Variants in CHAF1A observed in about 807,000 individuals in gnomAD.
CHAF1A encodes the protein chromatin assembly factor 1 subunit A.
A neutral mutation model predicts 93.2 loss-of-function variants in CHAF1A; 5 were observed. The observed-to-expected ratio is 0.05, with a 90% CI of 0.03 to 0.11. The LOEUF (loss-of-function observed/expected upper bound fraction) is 0.11, where lower values mean the gene tolerates loss of function less well. CHAF1A is among the 10% of genes least tolerant of loss of function. The probability of loss-of-function intolerance (pLI) is 1.00; values close to 1 mark genes in which losing one functional copy is unlikely to be tolerated. For synonymous variants in CHAF1A, 504 were observed against 510.3 expected (o/e 0.99, Z 0.17); for missense variants, 1,102 against 1,259.9 (o/e 0.87, Z 1.90).
chr19:4,420,822 T>C (rs1185040031), intron 4 of CHAF1A, among the ~76,000 whole-genome samples: 3 of 152,110 alleles, frequency 2.0e-5, no homozygotes, highest in African/African-American at 4.8e-5. Context: ...CCTGTAATCC[T>C]AGCACTTTGG....
Position 4,422,690 on chromosome 19 carries a change from T to A in CHAF1A, c.1142T>A (p.Leu381His), listed in dbSNP as rs1388028238. The change falls in exon 5 of 15, where the codon CTT (leucine) becomes CAT (histidine). Residue 381 changes from leucine to histidine, a missense_variant. Coordinates refer to ENST00000301280, the MANE Select transcript of CHAF1A (RefSeq NM_005483.3). The surrounding 1 kb of genome is among the most constrained non-coding windows in gnomAD (Gnocchi z 4.6). ...AAGAAGAAGGAGGAAGAGAAGGAGC[T>A]TAAGGAAAAGGAGAGGCGGGAGAAG... ...AKKKKEEEKE[L>H]KEKERREKRE... 12 of 1,611,944 alleles carry A rather than the reference T, an allele frequency of 7.4e-6. No homozygotes were observed. The highest frequency in any genetic ancestry group is 1.0e-5 in the Non-Finnish European group (12 of 1,179,226).
chr19:4,450,680 A>G, the CHAF1A span: 1 of 145,054 alleles, frequency 6.9e-6, no homozygotes, highest in Non-Finnish European at 1.5e-5. Context: ...AATGGTGTGA[A>G]CCTCGTAGGC....
rs1287627605 is a variant in CHAF1A at position 4,423,815 on chromosome 19, G to A, written c.1318G>A (p.Ala440Thr). ...TCTCTTAACATCACAGCGCATTAAAGCAGAGAAGGCCGAAATCACGAGGTT... is the reference window on the plus strand; with the variant it reads ...TCTCTTAACATCACAGCGCATTAAAACAGAGAAGGCCGAAATCACGAGGTT... ...RLREEEKRIKAEKAEITRFFQ... is the reference protein window; with the variant it reads ...RLREEEKRIKTEKAEITRFFQ... The change falls in exon 7 of 15, where the codon GCA becomes ACA. Residue 440 changes from alanine to threonine, a missense_variant. By Grantham distance (58) the Ala-to-Thr change is moderately conservative (BLOSUM62 0). Coordinates refer to ENST00000301280, the MANE Select transcript of CHAF1A (RefSeq NM_005483.3). The A allele has an allele frequency of 6.2e-7, 1 of 1,614,022 alleles. No individual in the cohort carries two copies. Among genetic ancestry groups the A allele is most frequent in the African/African-American group, 1.3e-5 (1 of 74,936 alleles).
At position 4,423,415 on chromosome 19, in the gene CHAF1A, G is replaced by A. The variant is rs746559548; in HGVS notation, c.1308+20G>A. 1 of 1,613,824 alleles carries A rather than the reference G, an allele frequency of 6.2e-7. No individual in the cohort carries two copies. The highest frequency in any genetic ancestry group is 1.7e-5 in the Admixed American group (1 of 59,914). On this transcript the variant is annotated intron_variant, in intron 6 of 14. Coordinates refer to ENST00000301280, the MANE Select transcript of CHAF1A (RefSeq NM_005483.3). Reference sequence around the variant, plus strand: ...GAGAAGGTAGAGTGTTTCCCACAGAGCTTCCCCGTCCCAGCCCGTTGGAGA... The same window carrying A: ...GAGAAGGTAGAGTGTTTCCCACAGAACTTCCCCGTCCCAGCCCGTTGGAGA...
At chr19:4,405,624 A>T (rs867478140) in intron 1 of CHAF1A, among the ~76,000 whole-genome samples, 23 of 144,260 alleles carry the variant, frequency 1.6e-4, no homozygotes, top group Middle Eastern at 7.1e-3. Context: ...AAAAAAAAAA[A>T]TTTTTTTTTT....
chr19:4,424,487 G>T (rs1002099125), intron 7 of CHAF1A, among the ~76,000 whole-genome samples: 4 of 151,982 alleles, frequency 2.6e-5, no homozygotes, highest in Admixed American at 6.6e-5. Context: ...ATTTTTTGAG[G>T]CAGGGTCTCA....
At chr19:4,408,874 C>T (rs1190517521) in intron 2 of CHAF1A, 29 bp from the exon 3 acceptor site, 2 of 1,573,622 alleles carry the variant, frequency 1.3e-6, no homozygotes, top group Admixed American at 2.0e-5. Flanking sequence ...TAAACGTTCA[C>T]TAGAGATGGC....
intron 12 of CHAF1A, among the ~76,000 whole-genome samples, chr19:4,432,616 T>C (rs1274832850): frequency 6.6e-6 from 1 of 151,790 alleles, no homozygotes; most frequent in African/African-American, 2.4e-5. Flanking sequence ...CAAAATTACC[T>C]GGGTGTGGTA....
chr19:4,429,691 T>C lies in CHAF1A; in HGVS notation c.1774-17T>C. On this transcript the variant is annotated splice_polypyrimidine_tract_variant and intron_variant, in intron 9 of 14. Transcript: ENST00000301280. ...GCCCCAAAGACAGTTGTGAGTCCCA[T>C]GTGTTTCTTTTCTCAGAAGCTCCTG... The C allele has an allele frequency of 6.2e-7, 1 of 1,613,810 alleles. No individual in the cohort carries two copies. Among genetic ancestry groups the C allele is most frequent in the Non-Finnish European group, 8.5e-7 (1 of 1,179,788 alleles).
Position 4,428,840 on chromosome 19 carries a change from G to C in CHAF1A, c.1554G>C (p.Leu518=), listed in dbSNP as rs373495353. ...AAGACCTCAAAGGCCGGCAGCCCCT[G>C]AGGTCCGGACCCACGCACGTTTCCA... is the stretch of plus-strand genomic sequence containing the variant. ...FLKDLKGRQP[L]RSGPTHVSTR... Residue 518 remains leucine, a synonymous_variant, in exon 8 of 15, where the codon CTG becomes CTC. Coordinates refer to ENST00000301280, the MANE Select transcript of CHAF1A (RefSeq NM_005483.3). 2 of 1,613,862 alleles carry C rather than the reference G, an allele frequency of 1.2e-6. No homozygotes were observed. Among genetic ancestry groups the C allele is most frequent in the African/African-American group, 2.7e-5 (2 of 74,932 alleles).
rs1190670524 is a variant in CHAF1A, at chr19:4,409,043, G to A, written c.244G>A (p.Gly82Ser). Residue 82 changes from glycine (G) to serine (S), a missense_variant, in exon 3 of 15, where the codon GGT becomes AGT. Gly to Ser is a moderately conservative substitution (Grantham distance 56). Coordinates refer to ENST00000301280, the MANE Select transcript of CHAF1A (RefSeq NM_005483.3). ...CACCTTGGAAAACAACTGTCATGTGGGTTCTGACATAGACTTTAGACCGAA... is the reference window on the plus strand; with the variant it reads ...CACCTTGGAAAACAACTGTCATGTGAGTTCTGACATAGACTTTAGACCGAA... ...LDTLENNCHVGSDIDFRPKLV... is the reference protein window; with the variant it reads ...LDTLENNCHVSSDIDFRPKLV... 6.2e-7 allele frequency: 1 copy of A among 1,614,040 alleles called. No individual in the cohort carries two copies. The highest frequency in any genetic ancestry group is 1.3e-5 in the African/African-American group (1 of 74,924).
intron 13 of CHAF1A, among the ~76,000 whole-genome samples, chr19:4,440,277 T>G (rs1268404368): frequency 6.6e-6 from 1 of 152,124 alleles, no homozygotes; most frequent in Non-Finnish European, 1.5e-5. Context: ...GCATCCTGTC[T>G]TTCTCCTTTG....
At chr19:4,447,589 C>G, downstream of CHAF1A, 3 of 1,613,828 alleles carry the variant, frequency 1.9e-6, no homozygotes, top group Non-Finnish European at 2.5e-6. Context: ...TCCGGTACTT[C>G]TCCTCCTCGG....
At chr19:4,417,038 C>G (rs1353531187) in intron 3 of CHAF1A, among the ~76,000 whole-genome samples, 8 of 151,948 alleles carry the variant, frequency 5.3e-5, no homozygotes, top group Admixed American at 4.6e-4. Flanking sequence ...ACTCTGTCAC[C>G]CAGGTTGGAC....
chr19:4,423,703 G>C, intron 6 of CHAF1A, 103 bp from the exon 7 acceptor site: 1 of 1,199,956 alleles, frequency 8.3e-7, no homozygotes, highest in Non-Finnish European at 1.2e-6. Context: ...GTGCCTTCAA[G>C]CTAAAATGCT....
chr19:4,441,978 T>G (rs75677162), intron 13 of CHAF1A, among the ~76,000 whole-genome samples: 127 of 152,348 alleles, frequency 8.3e-4, no homozygotes, highest in African/African-American at 3.0e-3. Context: ...TGACTGGAAA[T>G]TATTCTGCAG....
chr19:4,417,007 AT>A (rs879553155), intron 3 of CHAF1A, among the ~76,000 whole-genome samples: 8 of 149,786 alleles, frequency 5.3e-5, no homozygotes, highest in Non-Finnish European at 4.5e-5. Context: ...GTATCTTTTT[AT>A]TTTTTTTTTA....
chr19:4,418,617 A>G (rs1261188044), intron 4 of CHAF1A, among the ~76,000 whole-genome samples: 3 of 151,682 alleles, frequency 2.0e-5, no homozygotes, highest in Non-Finnish European at 2.9e-5. Context: ...GGGTTTCACC[A>G]TGTTAGCCAG....
chr19:4,428,788 A>G lies in CHAF1A; in HGVS notation c.1502A>G (p.Gln501Arg). The change falls in exon 8 of 15, where the codon CAG becomes CGG. Residue 501 changes from glutamine to arginine, a missense_variant. Physicochemically the swap from Gln to Arg is conservative, Grantham distance 43. Transcript: ENST00000301280. Reference sequence around the variant, plus strand: ...AGTCAGCTGGACCAGCTCCTCCAGCAGCAGAGCGGCGAGTTCTCCTTCTTG... The same window carrying G: ...AGTCAGCTGGACCAGCTCCTCCAGCGGCAGAGCGGCGAGTTCTCCTTCTTG... ...LCSQLDQLLQ[Q>R]QSGEFSFLKD... The G allele has an allele frequency of 1.2e-6, 2 of 1,614,184 alleles. No homozygotes were observed. Among genetic ancestry groups the G allele is most frequent in the Non-Finnish European group, 1.7e-6 (2 of 1,180,034 alleles).
Sources: gnomAD v4.1 joint callset for allele counts (sites outside exome capture counted in the v4.1 genomes callset) on GRCh38, gnomAD v4.1.1 for gene constraint, Gnocchi (gnomAD v3.1) non-coding constraint, MANE v1.5 for transcripts, NCBI Gene and HGNC (gene_info 2026-07-23, HGNC 2026-07-21) for gene names.